TGFBR2: variants seen among roughly 807,000 people sequenced by gnomAD.
TGFBR2 encodes TGF-beta receptor type-2.
A neutral mutation model predicts 49.0 loss-of-function variants in TGFBR2; 18 were observed. The observed-to-expected ratio is 0.37, with a 90% CI of 0.25 to 0.54. TGFBR2 has a LOEUF of 0.54. Ranked by LOEUF, TGFBR2 falls within the 20% of genes least tolerant of loss-of-function variation. The probability of loss-of-function intolerance (pLI) is 0.85; values close to 1 mark genes in which losing one functional copy is unlikely to be tolerated. For missense variants in TGFBR2, 525 were observed against 722.6 expected, an observed-to-expected ratio of 0.73 and a Z score of 3.13; for synonymous variants, 282 against 275.9, an observed-to-expected ratio of 1.02 and a Z score of -0.22.
upstream of TGFBR2, chr3:30,606,572 C>G (rs549638693): frequency 6.4e-6 from 2 of 314,014 alleles, no homozygotes; most frequent in East Asian, 4.5e-5. Context: ...CTGTTTCCCC[C>G]GCAGCGCTGA....
At position 30,676,646 on chromosome 3, in the gene TGFBR2, A is replaced by C. The variant is rs2125441609; in HGVS notation, c.1396+2400A>C. ...CTACCCAACATTTTGCCCAAGGCAG[A>C]TTCAGTTGGCACCACTGCTGGCTCT... is the stretch of plus-strand genomic sequence containing the variant. On this transcript the variant is annotated intron_variant, in intron 5 of 6. Transcript: ENST00000295754. This position sits in a 1 kb window ranked among gnomAD's most constrained non-coding sequence, Gnocchi z 4.3. 6.6e-6 allele frequency among the ~76,000 whole-genome samples: 1 copy of C among 152,342 alleles called. No individual in the cohort carries two copies. The highest frequency in any genetic ancestry group is 2.4e-5 in the African/African-American group (1 of 41,564).
At chr3:30,632,389 T>G (rs571734260) in intron 1 of TGFBR2, among the ~76,000 whole-genome samples, 1 of 152,364 alleles carries the variant, frequency 6.6e-6, no homozygotes, top group East Asian at 1.9e-4. Context: ...CTATGCTGGT[T>G]ATGAACAATA....
chr3:30,610,828 C>T (rs1415283157), intron 1 of TGFBR2, among the ~76,000 whole-genome samples: 1 of 152,184 alleles, frequency 6.6e-6, no homozygotes, highest in East Asian at 1.9e-4. Context: ...ACCTGGTTCC[C>T]ATTTGACTCT....
At chr3:30,651,445 T>G (rs1030522351) in intron 3 of TGFBR2, among the ~76,000 whole-genome samples, 2 of 152,214 alleles carry the variant, frequency 1.3e-5, no homozygotes, top group Non-Finnish European at 2.9e-5. Context: ...CATCTTTCAG[T>G]ACAACTATCT....
At chr3:30,662,349 G>A (rs1699148196) in intron 3 of TGFBR2, among the ~76,000 whole-genome samples, 1 of 152,122 alleles carries the variant, frequency 6.6e-6, no homozygotes, top group Non-Finnish European at 1.5e-5. Flanking sequence ...TTATCATACT[G>A]GATTAGAATA....
At chr3:30,653,609 C>G (rs922067932) in intron 3 of TGFBR2, among the ~76,000 whole-genome samples, 3 of 152,104 alleles carry the variant, frequency 2.0e-5, no homozygotes, top group African/African-American at 7.2e-5. Flanking sequence ...GTGGTGAACA[C>G]AAAAGCTATG....
At chr3:30,679,781 T>C (rs901468550) in intron 5 of TGFBR2, among the ~76,000 whole-genome samples, 1 of 152,210 alleles carries the variant, frequency 6.6e-6, no homozygotes, top group African/African-American at 2.4e-5. Context: ...CTCACAGGCC[T>C]TAGTATTCCT....
Position 30,644,892 on chromosome 3 carries a change from A to C in TGFBR2, c.240A>C (p.Pro80=). Residue 80 remains proline (P), a synonymous_variant, in exon 2 of 7, where the codon CCA becomes CCC. Transcript: ENST00000295754. ...GCATCACCTCCATCTGTGAGAAGCC[A>C]CAGGAAGTCTGTGTGGCTGTATGGT... is the stretch of plus-strand genomic sequence containing the variant. The part of the protein sequence containing the change: ...NCSITSICEK[P]QEVCVAVWRK... 6.2e-7 allele frequency: 1 copy of C among 1,614,182 alleles called. No homozygotes were observed. Among genetic ancestry groups the C allele is most frequent in the Non-Finnish European group, 8.5e-7 (1 of 1,180,022 alleles).
chr3:30,674,320 T>A (rs1699395787), intron 5 of TGFBR2, 74 bp downstream of exon 5: 1 of 1,576,986 alleles, frequency 6.3e-7, no homozygotes, highest in Non-Finnish European at 8.7e-7. Flanking sequence ...CTTCGAGCAT[T>A]ATTCCAGGGG....
intron 1 of TGFBR2, among the ~76,000 whole-genome samples, chr3:30,626,063 G>A (rs907294159): frequency 6.6e-6 from 1 of 152,276 alleles, no homozygotes; most frequent in Non-Finnish European, 1.5e-5. Flanking sequence ...CATTGCCCTG[G>A]GGTAGGACTT....
At chr3:30,641,645 AGTGG>A (rs1323960840) in intron 1 of TGFBR2, among the ~76,000 whole-genome samples, 1 of 152,162 alleles carries the variant, frequency 6.6e-6, no homozygotes, top group Non-Finnish European at 1.5e-5. Flanking sequence ...CCTCATATAC[AGTGG>A]GTGCTCAGCA....
At chr3:30,663,972 C>A (rs1699193062) in intron 3 of TGFBR2, among the ~76,000 whole-genome samples, 1 of 126,338 alleles carries the variant, frequency 7.9e-6, no homozygotes, top group South Asian at 2.7e-4. Context: ...AGAGGGCTAA[C>A]TTTTTTGGGG....
chr3:30,687,197 C>T (rs73054851), intron 5 of TGFBR2, among the ~76,000 whole-genome samples: 20,846 of 152,120 alleles, frequency 0.14, 1,576 homozygotes, highest in East Asian at 0.32. Context: ...CCTGAGGCCC[C>T]GGTGAAGGGT....
At chr3:30,680,512 A>G (rs1297258249) in intron 5 of TGFBR2, among the ~76,000 whole-genome samples, 1 of 145,820 alleles carries the variant, frequency 6.9e-6, no homozygotes, top group East Asian at 2.2e-4. Context: ...TTTGAGAGAC[A>G]GGAAGTCTAG....
rs1575131807 is a variant in TGFBR2, at chr3:30,619,302, T to G, written c.94+12325T>G. ...AAATCACCTAATTGGTCTCTGCTTA[T>G]GGACACCCTTTGTTCTTTCTCTGTC... On this transcript the variant is annotated intron_variant, in intron 1 of 6. Transcript: ENST00000295754. 5.3e-5 allele frequency among the ~76,000 whole-genome samples: 8 copies of G among 152,378 alleles called. 1 individual carries two copies.
In TGFBR2 at chr3:30,674,088, G is replaced by A. The variant is rs2125438659; in HGVS notation, c.1255-17G>A. On this transcript the variant is annotated splice_polypyrimidine_tract_variant and intron_variant, in intron 4 of 6. Transcript: ENST00000295754. ...CTGGAATTAAATGATGGGCCTCACT[G>A]TCTGTTTTTGCTATAGGTGGGAACT... is the stretch of plus-strand genomic sequence containing the variant. The A allele has an allele frequency of 6.2e-7, 1 of 1,614,136 alleles. No individual in the cohort carries two copies. The highest frequency in any genetic ancestry group is 8.5e-7 in the Non-Finnish European group (1 of 1,180,000).
At chr3:30,667,581 T>C (rs1445852942) in intron 3 of TGFBR2, among the ~76,000 whole-genome samples, 1 of 152,226 alleles carries the variant, frequency 6.6e-6, no homozygotes, top group East Asian at 1.9e-4. Flanking sequence ...TTTCTGACAT[T>C]GAACTGGGGA....
At chr3:30,613,754 G>GA (rs879893064) in intron 1 of TGFBR2, among the ~76,000 whole-genome samples, 6 of 152,298 alleles carry the variant, frequency 3.9e-5, no homozygotes, top group Admixed American at 3.9e-4. Flanking sequence ...CCAAGACATT[G>GA]AAAAGATATA....
intron 1 of TGFBR2, among the ~76,000 whole-genome samples, chr3:30,635,924 C>T (rs963764125): frequency 2.0e-5 from 3 of 152,138 alleles, no homozygotes; most frequent in Non-Finnish European, 4.4e-5. Context: ...CTTCCCGTAT[C>T]AGCTCTGTCT....
Sources: gnomAD v4.1 joint callset for allele counts (sites outside exome capture counted in the v4.1 genomes callset) on GRCh38, gnomAD v4.1.1 for gene constraint, Gnocchi (gnomAD v3.1) non-coding constraint, MANE v1.5 for transcripts, NCBI Gene and HGNC (gene_info 2026-07-23, HGNC 2026-07-21) for gene names.